Variants in RRM2 observed in about 807,000 individuals in gnomAD.
RRM2 encodes ribonucleotide reductase regulatory subunit M2.
A neutral mutation model predicts 45.9 loss-of-function variants in RRM2; 6 were observed. The ratio of observed to expected loss-of-function variants is 0.13; its 90% CI spans 0.07 to 0.26. The LOEUF (loss-of-function observed/expected upper bound fraction) is 0.26. Ranked by LOEUF, RRM2 falls within the 10% of genes least tolerant of loss-of-function variation. RRM2 has a pLI of 1.00. For synonymous variants in RRM2, 177 were observed against 173.0 expected (o/e 1.02, Z -0.18); for missense variants, 343 against 489.5 (o/e 0.70, Z 2.82).
intron 3 of RRM2, among the ~76,000 whole-genome samples, chr2:10,179,343 G>C (rs1384405483): frequency 1.3e-5 from 2 of 152,054 alleles, no homozygotes; most frequent in African/African-American, 4.8e-5. Context: ...GTAGAGACAG[G>C]GTTTCACCAC....
In RRM2 at chr2:10,200,733, C is replaced by T. The variant is rs1044711589; in HGVS notation, n.483-9578C>T. ...CCGCGCACACAAAATATGAGGCCCGCCATCTAAGGGCTCTACTGGCTTCAC... is the reference window on the plus strand; with the variant it reads ...CCGCGCACACAAAATATGAGGCCCGTCATCTAAGGGCTCTACTGGCTTCAC... On this transcript the variant is annotated intron_variant and non_coding_transcript_variant, in intron 3 of 3. Transcript: ENST00000381786. Among the ~76,000 whole-genome samples, 23 of 152,246 alleles carry T rather than the reference C, an allele frequency of 1.5e-4. 4 individuals are homozygous for T. Among genetic ancestry groups the T allele is most frequent in the Admixed American group, 1.4e-3 (22 of 15,286 alleles).
intron 3 of RRM2, among the ~76,000 whole-genome samples, chr2:10,173,495 TC>T (rs1168024515): frequency 6.6e-6 from 1 of 152,048 alleles, no homozygotes; most frequent in East Asian, 1.9e-4. Context: ...CCTCCGTCTG[TC>T]CCCCTACCTC....
At chr2:10,136,697 C>G (rs747891390), upstream of RRM2, among the ~76,000 whole-genome samples, 2 of 152,176 alleles carry the variant, frequency 1.3e-5, no homozygotes, top group African/African-American at 2.4e-5. Flanking sequence ...CACTGGAACC[C>G]AGGAGGTTGA....
At chr2:10,174,548 G>A (rs1405394070) in intron 3 of RRM2, among the ~76,000 whole-genome samples, 1 of 147,306 alleles carries the variant, frequency 6.8e-6, no homozygotes. Context: ...AGACCTCAAT[G>A]ACTGTAGACT....
intron 3 of RRM2, among the ~76,000 whole-genome samples, chr2:10,174,104 A>G (rs956926526): frequency 2.6e-5 from 4 of 152,170 alleles, no homozygotes; most frequent in Non-Finnish European, 5.9e-5. Context: ...TAGGATCCTT[A>G]TAAGAACCTG....
intron 3 of RRM2, among the ~76,000 whole-genome samples, chr2:10,157,016 C>CTTTTTTTTTTTTT: frequency 1.2e-5 from 1 of 85,926 alleles, no homozygotes; most frequent in Non-Finnish European, 2.1e-5. Flanking sequence ...CAGCCCATTT[C>CTTTTTTTTTTTTT]TTTTTTTTTT....
chr2:10,204,471 G>A lies in RRM2; in HGVS notation n.483-5840G>A, dbSNP rs1051321836. On this transcript the variant is annotated intron_variant and non_coding_transcript_variant, in intron 3 of 3. Coordinates refer to the RRM2 transcript ENST00000381786. This position sits in a 1 kb window ranked among gnomAD's most constrained non-coding sequence, Gnocchi z 4.0. ...TGTCCACTGGCAGAGAAGCAGCCAAGTCTCTGATGGAGCCCACCGGAGCAG... is the reference window on the plus strand; with the variant it reads ...TGTCCACTGGCAGAGAAGCAGCCAAATCTCTGATGGAGCCCACCGGAGCAG... 3.3e-5 allele frequency among the ~76,000 whole-genome samples: 5 copies of A among 152,228 alleles called. No individual in the cohort carries two copies. The highest frequency in any genetic ancestry group is 7.3e-5 in the Non-Finnish European group (5 of 68,038).
chr2:10,160,982 T>A (rs913913427), intron 3 of RRM2, among the ~76,000 whole-genome samples: 5 of 152,230 alleles, frequency 3.3e-5, no homozygotes, highest in Admixed American at 6.5e-5. Context: ...CGCTCCGTCC[T>A]TCCGAGCCTC....
chr2:10,186,154 A>AT (rs1042908158), intron 3 of RRM2, among the ~76,000 whole-genome samples: 3 of 152,132 alleles, frequency 2.0e-5, no homozygotes, highest in African/African-American at 7.2e-5. Flanking sequence ...GAGCTGTGTG[A>AT]TTTTGGATGA....
At chr2:10,193,256 G>C (rs1357073112) in intron 3 of RRM2, among the ~76,000 whole-genome samples, 1 of 152,164 alleles carries the variant, frequency 6.6e-6, no homozygotes, top group Non-Finnish European at 1.5e-5. Context: ...GGAAGCCCTG[G>C]CCAGAGATGC....
intron 3 of RRM2, among the ~76,000 whole-genome samples, chr2:10,179,397 C>T (rs545399883): frequency 1.3e-5 from 2 of 152,222 alleles, no homozygotes; most frequent in Admixed American, 6.5e-5. Context: ...GGCATCCACC[C>T]GCCTCGGCCT....
chr2:10,149,818 G>A (rs1465207811), intron 3 of RRM2, among the ~76,000 whole-genome samples: 1 of 152,130 alleles, frequency 6.6e-6, no homozygotes, highest in South Asian at 2.1e-4. Context: ...CTGCTTCTTG[G>A]TTCCAAGCTT....
rs79647448 is a variant in RRM2 at position 10,175,629 on chromosome 2, G to A, written n.482+33254G>A. Among the ~76,000 whole-genome samples, 20 of 152,236 alleles carry A rather than the reference G, an allele frequency of 1.3e-4. No homozygotes were observed. The East Asian group carries it at 3.7e-3, about 28-fold the overall frequency. On this transcript the variant is annotated intron_variant and non_coding_transcript_variant, in intron 3 of 3. Coordinates refer to the RRM2 transcript ENST00000381786. ...ATTTTAGTTTTTGAGACAGAGTCTCGCTATGTACCCCAGGCGGGAGTGCAG... is the reference window on the plus strand; with the variant it reads ...ATTTTAGTTTTTGAGACAGAGTCTCACTATGTACCCCAGGCGGGAGTGCAG...
upstream of RRM2, among the ~76,000 whole-genome samples, chr2:10,137,805 G>C (rs767945180): frequency 1.3e-5 from 2 of 152,220 alleles, no homozygotes; most frequent in East Asian, 1.9e-4. Flanking sequence ...TCTACTTCAG[G>C]GGGGTCTAGC....
intron 3 of RRM2, among the ~76,000 whole-genome samples, chr2:10,181,750 CTCTCTTTTTT>C (rs1220837833): frequency 1.3e-5 from 1 of 79,208 alleles, no homozygotes. Context: ...CTCTCTCTCT[CTCTCTTTTTT>C]TTTTTTTTTT....
At chr2:10,198,932 C>G (rs971333992) in intron 3 of RRM2, 2 of 152,106 alleles carry the variant, frequency 1.3e-5, no homozygotes, top group African/African-American at 2.4e-5. Flanking sequence ...TATGGTCATG[C>G]TGACAGCCAT....
intron 3 of RRM2, among the ~76,000 whole-genome samples, chr2:10,200,364 T>G (rs1165216152): frequency 6.6e-6 from 1 of 152,092 alleles, no homozygotes. Context: ...GTGACATTCC[T>G]TTACTTACCT....
chr2:10,124,630 A>G, intron 4 of RRM2, 87 bp from the exon 5 acceptor site: 1 of 1,431,844 alleles, frequency 7.0e-7, no homozygotes, highest in Non-Finnish European at 9.8e-7. Flanking sequence ...TTATAATGGT[A>G]CAAAGAGTGC....
At chr2:10,133,943 C>A (rs1393714123), downstream of RRM2, among the ~76,000 whole-genome samples, 2 of 151,908 alleles carry the variant, frequency 1.3e-5, no homozygotes, top group Non-Finnish European at 2.9e-5. Context: ...CTTTGGGAGG[C>A]TGAGGTGGGC....
Sources: allele counts gnomAD v4.1 joint callset (sites outside exome capture counted in the v4.1 genomes callset), GRCh38; gene constraint gnomAD v4.1.1; non-coding constraint Gnocchi (gnomAD v3.1); transcripts MANE v1.5; gene names NCBI Gene and HGNC (gene_info 2026-07-23, HGNC 2026-07-21).